ZBTB7A: variants seen among roughly 807,000 people sequenced by gnomAD.
The protein encoded by ZBTB7A is zinc finger and BTB domain containing 7A.
Under a neutral mutation model 26.7 loss-of-function variants are expected in ZBTB7A, and 7 were observed. The observed-to-expected ratio is 0.26, with a 90% CI of 0.15 to 0.49. The LOEUF (loss-of-function observed/expected upper bound fraction) is 0.49, where lower values mean the gene tolerates loss of function less well. Among genes scored for constraint, ZBTB7A ranks in the 20% least tolerant of loss-of-function variants. The probability of loss-of-function intolerance (pLI) is 0.98; values close to 1 mark genes in which losing one functional copy is unlikely to be tolerated. For synonymous variants in ZBTB7A, 452 were observed against 441.0 expected, an observed-to-expected ratio of 1.02 and a Z score of -0.31; for missense variants, 617 against 919.5, an observed-to-expected ratio of 0.67 and a Z score of 4.25.
intron 2 of ZBTB7A, among the ~76,000 whole-genome samples, chr19:4,051,762 T>C (rs2040506425): frequency 1.3e-5 from 2 of 152,188 alleles, no homozygotes; most frequent in Non-Finnish European, 2.9e-5. Context: ...TAGGTTTTTC[T>C]AGAACCGTGC....
chr19:4,053,580 G>A (rs1035039872), intron 2 of ZBTB7A, among the ~76,000 whole-genome samples: 33 of 147,164 alleles, frequency 2.2e-4, no homozygotes, highest in African/African-American at 7.6e-4. Flanking sequence ...CGCGCATGTC[G>A]GTGTGCGTGT....
intron 1 of ZBTB7A, chr19:4,055,537 C>T (rs2040568881): frequency 1.0e-6 from 1 of 969,128 alleles, no homozygotes; most frequent in African/African-American, 1.8e-5. Flanking sequence ...AAACCCCTGG[C>T]CTCGGCCTGG....
Position 4,052,389 on chromosome 19 carries a change from A to C in ZBTB7A, c.1262+1582T>G, listed in dbSNP as rs2040513238. Among the ~76,000 whole-genome samples, 1 of 152,042 alleles carries C rather than the reference A, an allele frequency of 6.6e-6. No individual in the cohort carries two copies. Among genetic ancestry groups the C allele is most frequent in the African/African-American group, 2.4e-5 (1 of 41,402 alleles). On this transcript the variant is annotated intron_variant, in intron 2 of 2. Transcript: ENST00000322357. This position sits in a 1 kb window ranked among gnomAD's most constrained non-coding sequence, Gnocchi z 4.9. The stretch of plus-strand genomic sequence containing the variant: ...AGTACCCCAACCTCACCAAGGAGGG[A>C]CAAACCACCAGCTACACTGCCTGCC...
At position 4,048,337 on chromosome 19, in the gene ZBTB7A, C is replaced by T; in HGVS notation, c.1263-93G>A. 1 of 1,420,766 alleles carries T rather than the reference C, an allele frequency of 7.0e-7. No individual in the cohort carries two copies. The allele number at this position is 1,420,766 out of a possible 1,614,324, so 88.0% of individuals were successfully genotyped here. On this transcript the variant is annotated intron_variant, in intron 2 of 2. Transcript: ENST00000322357. The surrounding 1 kb of genome is among the most constrained non-coding windows in gnomAD (Gnocchi z 6.7). The stretch of plus-strand genomic sequence containing the variant: ...CTCACGGACACGGCAGGCCCTGGAT[C>T]ATCACCCTTGCAGAACACGGACCGT...
At chr19:4,056,862 G>A (rs74178437) in intron 1 of ZBTB7A, among the ~76,000 whole-genome samples, 89,260 of 149,898 alleles carry the variant, frequency 0.6, 29,934 homozygotes, top group East Asian at 0.94. Context: ...GCGAGACTCC[G>A]TCTTAAAAAA....
In ZBTB7A at chr19:4,048,674, AAC is replaced by A. The variant is rs1046258020; in HGVS notation, c.1263-432_1263-431del. Among the ~76,000 whole-genome samples the A allele has an allele frequency of 1.4e-5, 2 of 142,632 alleles. No homozygotes were observed. The highest frequency in any genetic ancestry group is 5.5e-5 in the African/African-American group (2 of 36,558). The allele number at this position is 142,632 out of a possible 152,430, so 93.6% of individuals were successfully genotyped here. ...GGTGAAACCCTGTCTCTACTAAAAA[AAC>A]AAAAAACAAAAAAACAAAAAACAAA... is the stretch of plus-strand genomic sequence containing the variant. On this transcript the variant is annotated intron_variant, in intron 2 of 2. Transcript: ENST00000322357. The surrounding 1 kb of genome is among the most constrained non-coding windows in gnomAD (Gnocchi z 6.7).
At chr19:4,057,026 G>GAAAAAA (rs773127216) in intron 1 of ZBTB7A, among the ~76,000 whole-genome samples, 2 of 78,686 alleles carry the variant, frequency 2.5e-5, no homozygotes, top group Non-Finnish European at 5.0e-5. Flanking sequence ...GACTCGGTCT[G>GAAAAAA]AAAAAAAAAA....
intron 2 of ZBTB7A, 37 bp downstream of exon 2, chr19:4,053,934 G>C: frequency 1.3e-6 from 2 of 1,554,288 alleles, no homozygotes; most frequent in Non-Finnish European, 1.7e-6. Context: ...CTGGGGCAGA[G>C]AGCAGGACGG....
Position 4,054,622 on chromosome 19 carries a change from G to A in ZBTB7A, c.611C>T (p.Ala204Val). The change falls in exon 2 of 3, where the codon GCC becomes GTC. Residue 204 changes from alanine (A) to valine (V), a missense_variant. Coordinates refer to ENST00000322357, the MANE Select transcript of ZBTB7A (RefSeq NM_015898.4). ...DLDATKEAVAAAVAAVAAGDC... is the reference protein window; with the variant it reads ...DLDATKEAVAVAVAAVAAGDC... The stretch of plus-strand genomic sequence containing the variant: ...GCCCGCGGCCACGGCGGCCACAGCG[G>A]CGGCCACGGCCTCCTTGGTGGCATC... 1.3e-6 allele frequency: 2 copies of A among 1,591,314 alleles called. No individual in the cohort carries two copies. Among genetic ancestry groups the A allele is most frequent in the Non-Finnish European group, 1.7e-6 (2 of 1,171,958 alleles).
rs2040515023 is a variant in ZBTB7A, at chr19:4,052,555, T to A, written c.1262+1416A>T. Among the ~76,000 whole-genome samples the A allele has an allele frequency of 6.7e-6, 1 of 148,462 alleles. No individual in the cohort carries two copies. On this transcript the variant is annotated intron_variant, in intron 2 of 2. Coordinates refer to ENST00000322357, the MANE Select transcript of ZBTB7A (RefSeq NM_015898.4). This position sits in a 1 kb window ranked among gnomAD's most constrained non-coding sequence, Gnocchi z 4.9. ...AGTTCCTGTCCCCACGGGGTGGGGT[T>A]GGGAAGCTGGGACAATGGCCTCTTT...
rs2040502667 is a variant in ZBTB7A at position 4,051,334 on chromosome 19, G to C, written c.1262+2637C>G. Among the ~76,000 whole-genome samples, 3 of 152,152 alleles carry C rather than the reference G, an allele frequency of 2.0e-5. No homozygotes were observed. The East Asian group carries it at 5.8e-4, about 29-fold the overall frequency. On this transcript the variant is annotated intron_variant, in intron 2 of 2. Transcript: ENST00000322357. ...ACTCAATAGACTGAAGACTTCTTTA[G>C]TGTGGGGACTGGCAAACTCCTACTC...
chr19:4,047,443 T>C lies in ZBTB7A; in HGVS notation c.*309A>G, dbSNP rs1354668375. 1 of 162,564 alleles carries C rather than the reference T, an allele frequency of 6.2e-6. No individual in the cohort carries two copies. Among genetic ancestry groups the C allele is most frequent in the African/African-American group, 2.4e-5 (1 of 41,558 alleles). 10.1% of individuals were successfully genotyped at this position (162,564 alleles called of 1,614,324 possible). On this transcript the variant is annotated 3_prime_UTR_variant, in exon 3 of 3. Coordinates refer to ENST00000322357, the MANE Select transcript of ZBTB7A (RefSeq NM_015898.4). The stretch of plus-strand genomic sequence containing the variant: ...GGGGCTGTGCGGGGTCTCGGATTCC[T>C]TGTGTCCTACAAAAAACCCCAAACC...
intron 1 of ZBTB7A, among the ~76,000 whole-genome samples, chr19:4,064,447 C>T (rs917670606): frequency 2.6e-5 from 4 of 152,252 alleles, no homozygotes; most frequent in Non-Finnish European, 5.9e-5. Flanking sequence ...CAAACGCCCC[C>T]GGCCTGAAGC....
rs59208569 is a variant in ZBTB7A, at chr19:4,044,426, G to C, written c.*3326C>G. On this transcript the variant is annotated 3_prime_UTR_variant, in exon 3 of 3. Transcript: ENST00000322357. Reference sequence around the variant, plus strand: ...AATCTCAAAAGGCGGGGGGCGTCGGGGGGCAGAGGCAGGTAGCAGCAACAG... The same window carrying C: ...AATCTCAAAAGGCGGGGGGCGTCGGCGGGCAGAGGCAGGTAGCAGCAACAG... The C allele has an allele frequency of 0.68, 100,913 of 148,388 alleles. 38,354 individuals are homozygous for C. Among genetic ancestry groups the C allele is most frequent in the East Asian group, 0.94 (4,753 of 5,072 alleles). 9.2% of individuals were successfully genotyped at this position (148,388 alleles called of 1,614,324 possible).
intron 1 of ZBTB7A, among the ~76,000 whole-genome samples, chr19:4,057,852 C>A (rs1013707054): frequency 6.6e-6 from 1 of 152,090 alleles, no homozygotes; most frequent in Non-Finnish European, 1.5e-5. Flanking sequence ...CGAACCCCAC[C>A]GGCAGCACCC....
At chr19:4,049,166 G>GCATATATATATA (rs2040466469) in intron 2 of ZBTB7A, among the ~76,000 whole-genome samples, 1 of 13,476 alleles carries the variant, frequency 7.4e-5, no homozygotes. Context: ...GTGTGTGTGT[G>GCATATATATATA]TGTATATATA....
At chr19:4,050,435 G>GTT (rs2040490262) in intron 2 of ZBTB7A, among the ~76,000 whole-genome samples, 1 of 152,184 alleles carries the variant, frequency 6.6e-6, no homozygotes, top group Non-Finnish European at 1.5e-5. Context: ...CGAGAAGGCA[G>GTT]GGGTTGGGTG....
intron 1 of ZBTB7A, among the ~76,000 whole-genome samples, chr19:4,062,400 G>A (rs757080893): frequency 6.6e-6 from 1 of 152,220 alleles, no homozygotes; most frequent in Non-Finnish European, 1.5e-5. Flanking sequence ...GCTGGGCCTT[G>A]ATAATCGCCC....
chr19:4,055,883 A>C (rs1242772705), intron 1 of ZBTB7A, among the ~76,000 whole-genome samples: 1 of 152,164 alleles, frequency 6.6e-6, no homozygotes, highest in African/African-American at 2.4e-5. Context: ...CCTGCCTCCC[A>C]AGGTGCTAAG....
Sources: allele counts gnomAD v4.1 joint callset (sites outside exome capture counted in the v4.1 genomes callset), GRCh38; gene constraint gnomAD v4.1.1; non-coding constraint Gnocchi (gnomAD v3.1); transcripts MANE v1.5; gene names NCBI Gene and HGNC (gene_info 2026-07-23, HGNC 2026-07-21).